Variants in ABCD3 observed in about 807,000 individuals in gnomAD.
ABCD3 encodes the protein ATP-binding cassette sub-family D member 3.
ABCD3 carries 41 observed loss-of-function variants against 105.5 expected under a neutral mutation model. That is an observed-to-expected ratio of 0.39 (90% CI 0.30 to 0.50). The LOEUF (loss-of-function observed/expected upper bound fraction) is 0.50, where lower values mean the gene tolerates loss of function less well. Ranked by LOEUF, ABCD3 falls within the 20% of genes least tolerant of loss-of-function variation. ABCD3 has a pLI of 0.84. For synonymous variants in ABCD3, 258 were observed against 269.0 expected (o/e 0.96, Z 0.40); for missense variants, 622 against 806.3 (o/e 0.77, Z 2.77).
intron 1 of ABCD3, among the ~76,000 whole-genome samples, chr1:94,433,099 A>G (rs1228390855): frequency 6.7e-6 from 1 of 149,574 alleles, no homozygotes; most frequent in Non-Finnish European, 1.5e-5. Context: ...CTCGTGATCC[A>G]CCCACCTCGG....
At chr1:94,482,942 G>A in intron 9 of ABCD3, 1 of 521,266 alleles carries the variant, frequency 1.9e-6, no homozygotes, top group East Asian at 3.2e-5. Context: ...CTATGCCATA[G>A]GTTGCAGTCC....
intron 1 of ABCD3, among the ~76,000 whole-genome samples, chr1:94,433,020 G>A (rs1047159409): frequency 3.3e-5 from 5 of 150,752 alleles, no homozygotes; most frequent in Non-Finnish European, 1.5e-5. Flanking sequence ...ACCATGCCCG[G>A]CTAATTTTTG....
the ABCD3 span, among the ~76,000 whole-genome samples, chr1:94,388,624 T>C: frequency 1.3e-5 from 2 of 152,314 alleles, no homozygotes; most frequent in East Asian, 3.9e-4. Flanking sequence ...GTGATAAAGT[T>C]ATCTAAGAAT....
intron 21 of ABCD3, among the ~76,000 whole-genome samples, chr1:94,508,749 A>T (rs962636808): frequency 6.6e-6 from 1 of 151,912 alleles, no homozygotes; most frequent in Non-Finnish European, 1.5e-5. Context: ...ATTCTCTTTG[A>T]AGCAATTGTG....
the ABCD3 span, among the ~76,000 whole-genome samples, chr1:94,390,555 G>A: frequency 7.9e-5 from 12 of 152,052 alleles, no homozygotes; most frequent in Non-Finnish European, 1.3e-4. Flanking sequence ...CACCCACCCC[G>A]GCATCCCAAA....
At chr1:94,503,150 C>G (rs1432285947) in intron 20 of ABCD3, among the ~76,000 whole-genome samples, 3 of 151,980 alleles carry the variant, frequency 2.0e-5, no homozygotes, top group Non-Finnish European at 4.4e-5. Context: ...CCCAGGGAAA[C>G]CAAAAAATTG....
At chr1:94,400,428 G>A in the ABCD3 span, among the ~76,000 whole-genome samples, 1 of 151,590 alleles carries the variant, frequency 6.6e-6, no homozygotes, top group African/African-American at 2.4e-5. Context: ...GAAAGAAAAA[G>A]GAAAGTCATT....
At chr1:94,515,722 G>A (rs977722237) in intron 22 of ABCD3, among the ~76,000 whole-genome samples, 2 of 151,930 alleles carry the variant, frequency 1.3e-5, no homozygotes, top group Non-Finnish European at 1.5e-5. Context: ...TGGTGCTTCA[G>A]TAGTGCCATT....
upstream of ABCD3, among the ~76,000 whole-genome samples, chr1:94,413,537 G>A (rs1433504482): frequency 1.3e-5 from 2 of 152,122 alleles, no homozygotes; most frequent in African/African-American, 2.4e-5. Context: ...AAGAGGTTGA[G>A]ATCTCAATCT....
At chr1:94,422,246 C>G (rs974385377) in intron 1 of ABCD3, among the ~76,000 whole-genome samples, 1 of 152,208 alleles carries the variant, frequency 6.6e-6, no homozygotes, top group Non-Finnish European at 1.5e-5. Flanking sequence ...AGCTGCACAG[C>G]CTGTGCAAGC....
At chr1:94,454,073 G>A (rs1647417050) in intron 1 of ABCD3, among the ~76,000 whole-genome samples, 1 of 150,940 alleles carries the variant, frequency 6.6e-6, no homozygotes, top group South Asian at 2.1e-4. Flanking sequence ...TATGTACTTG[G>A]GTATATTCAG....
chr1:94,518,463 T>TTGTATACTTATTTTCTGTTC lies in ABCD3; in HGVS notation c.*1334_*1335insTGTATACTTATTTTCTGTTC, dbSNP rs1651028174. Reference sequence around the variant, plus strand: ...ACATTCAATTTTTACCACTTCTGTTTAGCGAACTTGTATACTTATTTTCTG... The same window carrying TTGTATACTTATTTTCTGTTC: ...ACATTCAATTTTTACCACTTCTGTTTTGTATACTTATTTTCTGTTCAGCGAACTTGTATACTTATTTTCTG... On this transcript the variant is annotated 3_prime_UTR_variant, in exon 23 of 23. Coordinates refer to ENST00000370214, the MANE Select transcript of ABCD3 (RefSeq NM_002858.4). The TTGTATACTTATTTTCTGTTC allele has an allele frequency of 6.6e-6, 1 of 151,288 alleles. No individual in the cohort carries two copies. Among genetic ancestry groups the TTGTATACTTATTTTCTGTTC allele is most frequent in the African/African-American group, 2.4e-5 (1 of 41,118 alleles). The allele number at this position is 151,288 out of a possible 1,614,324, so 9.4% of individuals were successfully genotyped here. A position where few individuals can be genotyped will look rare whatever the true frequency, so the allele number is the denominator to read the frequency against.
At chr1:94,424,845 A>G (rs1184505773) in intron 1 of ABCD3, among the ~76,000 whole-genome samples, 2 of 152,260 alleles carry the variant, frequency 1.3e-5, no homozygotes, top group South Asian at 2.1e-4. Context: ...CAGTATATAC[A>G]TACTGCTAGC....
chr1:94,418,645 GCT>G, intron 1 of ABCD3, 57 bp downstream of exon 1: 2 of 1,520,164 alleles, frequency 1.3e-6, no homozygotes, highest in Admixed American at 1.9e-5. Context: ...CTCCCCGCGC[GCT>G]CTCTCTCCCC....
rs150591744 is a variant in ABCD3 at position 94,448,365 on chromosome 1, C to T, written c.111-10242C>T. Among the ~76,000 whole-genome samples the T allele has an allele frequency of 1.6e-3, 250 of 152,280 alleles. 2 individuals carry two copies. The highest frequency in any genetic ancestry group is 2.3e-3 in the Non-Finnish European group (156 of 68,018). On this transcript the variant is annotated intron_variant, in intron 1 of 22. Transcript: ENST00000370214. ...ATTCTCGATAATCATTTTCCTAAAACGAAACTGTTTCAATTTTTGAAATGA... is the reference window on the plus strand; with the variant it reads ...ATTCTCGATAATCATTTTCCTAAAATGAAACTGTTTCAATTTTTGAAATGA...
At chr1:94,476,322 G>A (rs1344802255) in intron 7 of ABCD3, among the ~76,000 whole-genome samples, 1 of 152,098 alleles carries the variant, frequency 6.6e-6, no homozygotes, top group African/African-American at 2.4e-5. Context: ...TCTTAGTCAT[G>A]TTATCTCACC....
chr1:94,453,740 AT>A (rs983461685), intron 1 of ABCD3, among the ~76,000 whole-genome samples: 3 of 143,986 alleles, frequency 2.1e-5, no homozygotes, highest in Non-Finnish European at 3.1e-5. Context: ...TTTTGTGCTC[AT>A]TTTTTTTATT....
intron 22 of ABCD3, 62 bp downstream of exon 22, chr1:94,515,264 G>A: frequency 7.6e-7 from 1 of 1,316,182 alleles, no homozygotes; most frequent in Non-Finnish European, 1.1e-6. Flanking sequence ...TATGAATTCA[G>A]GTTAATATGG....
intron 10 of ABCD3, among the ~76,000 whole-genome samples, chr1:94,485,985 A>G (rs1649259014): frequency 6.6e-6 from 1 of 152,150 alleles, no homozygotes; most frequent in African/African-American, 2.4e-5. Context: ...TGAGGTCAGG[A>G]GTTCGAGACC....
Sources: gnomAD v4.1 joint callset for allele counts (sites outside exome capture counted in the v4.1 genomes callset) on GRCh38, gnomAD v4.1.1 for gene constraint, MANE v1.5 for transcripts, NCBI Gene and HGNC (gene_info 2026-07-23, HGNC 2026-07-21) for gene names.